Variants in DROSHA observed in about 807,000 individuals in gnomAD.
The protein encoded by DROSHA is drosha ribonuclease III, also known as ribonuclease 3.
DROSHA carries 56 observed loss-of-function variants against 181.9 expected under a neutral mutation model. The ratio of observed to expected loss-of-function variants is 0.31; its 90% CI spans 0.25 to 0.38. The LOEUF (loss-of-function observed/expected upper bound fraction) is 0.38, where lower values mean the gene tolerates loss of function less well. Ranked by LOEUF, DROSHA falls within the 10% of genes least tolerant of loss-of-function variation. The pLI is 1.00. For missense variants in DROSHA, 1,218 were observed against 1,743.5 expected, an observed-to-expected ratio of 0.70 and a Z score of 5.37; for synonymous variants, 524 against 591.2, an observed-to-expected ratio of 0.89 and a Z score of 1.65.
intron 6 of DROSHA, 65 bp from the exon 7 acceptor site, chr5:31,515,629 G>A (rs570080169): frequency 6.5e-7 from 1 of 1,542,314 alleles, no homozygotes; most frequent in East Asian, 2.5e-5. Flanking sequence ...TCAGCAATGA[G>A]AATACCAGTT....
chr5:31,407,939 A>T (rs1483757741), intron 33 of DROSHA, among the ~76,000 whole-genome samples: 2 of 152,312 alleles, frequency 1.3e-5, no homozygotes, highest in East Asian at 3.9e-4. Context: ...TATTAGGCAC[A>T]TAATAAAGTG....
chr5:31,502,503 C>A (rs1331688904), intron 11 of DROSHA, among the ~76,000 whole-genome samples: 1 of 152,238 alleles, frequency 6.6e-6, no homozygotes, highest in Non-Finnish European at 1.5e-5. Flanking sequence ...CAGAACCACC[C>A]ATCATAGGCT....
chr5:31,483,083 A>T (rs1751220109), intron 16 of DROSHA, among the ~76,000 whole-genome samples: 1 of 152,186 alleles, frequency 6.6e-6, no homozygotes, highest in South Asian at 2.1e-4. Context: ...TTATTGGGAG[A>T]AAAAATTATT....
intron 21 of DROSHA, among the ~76,000 whole-genome samples, chr5:31,449,927 T>C (rs996947818): frequency 7.9e-5 from 12 of 151,714 alleles, no homozygotes; most frequent in African/African-American, 2.9e-4. Flanking sequence ...AGGACTAATA[T>C]CCAGAATCTA....
At chr5:31,441,817 G>A (rs1307763815) in intron 23 of DROSHA, among the ~76,000 whole-genome samples, 1 of 152,184 alleles carries the variant, frequency 6.6e-6, no homozygotes, top group Admixed American at 6.5e-5. Flanking sequence ...AAATAAAAAT[G>A]CATTTTCTGT....
chr5:31,421,035 A>G (rs911505560), intron 30 of DROSHA, among the ~76,000 whole-genome samples: 7 of 152,178 alleles, frequency 4.6e-5, no homozygotes, highest in Non-Finnish European at 8.8e-5. Flanking sequence ...TGTTCCTTCC[A>G]TGAGGCCTAG....
At position 31,409,003 on chromosome 5, in the gene DROSHA, C is replaced by T; in HGVS notation, c.3854+53G>A. Reference sequence around the variant, plus strand: ...TCATTCTTCAAGGCACATGGAAAGTCAATTTTAGGCATGCTGGATCCAACC... The same window carrying T: ...TCATTCTTCAAGGCACATGGAAAGTTAATTTTAGGCATGCTGGATCCAACC... On this transcript the variant is annotated intron_variant, in intron 33 of 35. Coordinates refer to ENST00000344624, the MANE Select transcript of DROSHA (RefSeq NM_001382508.1). The surrounding 1 kb of genome is among the most constrained non-coding windows in gnomAD (Gnocchi z 4.0). 6.5e-7 allele frequency: 1 copy of T among 1,547,730 alleles called. No individual in the cohort carries two copies. Among genetic ancestry groups the T allele is most frequent in the Non-Finnish European group, 8.8e-7 (1 of 1,131,658 alleles).
intron 11 of DROSHA, among the ~76,000 whole-genome samples, chr5:31,497,580 G>T (rs1753143184): frequency 6.6e-6 from 1 of 152,244 alleles, no homozygotes; most frequent in African/African-American, 2.4e-5. Context: ...GGTAGCAATT[G>T]GCCAGAAAGC....
rs938537317 is a variant in DROSHA, at chr5:31,470,848, G to C, written c.2241+1215C>G. 2.0e-5 allele frequency among the ~76,000 whole-genome samples: 3 copies of C among 152,072 alleles called. No homozygotes were observed. The highest frequency in any genetic ancestry group is 2.4e-5 in the African/African-American group (1 of 41,378). ...AAGTGGAACCACCCAGCTGAAACTG[G>C]ACATCTGCCACCACCACCGCCCCAT... is the stretch of plus-strand genomic sequence containing the variant. On this transcript the variant is annotated intron_variant, in intron 17 of 35. Coordinates refer to ENST00000344624, the MANE Select transcript of DROSHA (RefSeq NM_001382508.1). The surrounding 1 kb of genome is among the most constrained non-coding windows in gnomAD (Gnocchi z 4.0).
At chr5:31,493,342 T>C (rs1193230752) in intron 12 of DROSHA, 49 bp from the exon 13 acceptor site, 2 of 1,503,488 alleles carry the variant, frequency 1.3e-6, no homozygotes, top group African/African-American at 1.4e-5. Context: ...ATGACATGAG[T>C]TGCATATGCA....
In DROSHA at chr5:31,476,874, C is replaced by G. The variant is rs117441477; in HGVS notation, c.2072-4642G>C. Among the ~76,000 whole-genome samples the G allele has an allele frequency of 6.3e-3, 966 of 152,308 alleles. 18 individuals carry two copies. Among genetic ancestry groups the G allele is most frequent in the South Asian group, 0.032 (156 of 4,822 alleles). On this transcript the variant is annotated intron_variant, in intron 16 of 35. Transcript: ENST00000344624. ...CAGACTAATAACTTGGCCACTCGCA[C>G]TCAGGCTGCCATGAATTCACTAATG...
chr5:31,433,053 T>A (rs1442103349), intron 25 of DROSHA, among the ~76,000 whole-genome samples: 7 of 152,142 alleles, frequency 4.6e-5, no homozygotes, highest in African/African-American at 1.7e-4. Context: ...CCACATAACA[T>A]GGAACAAATC....
At chr5:31,456,090 A>T (rs1489520115) in intron 20 of DROSHA, among the ~76,000 whole-genome samples, 2 of 152,232 alleles carry the variant, frequency 1.3e-5, no homozygotes, top group Admixed American at 6.5e-5. Context: ...TGTGAGGAAC[A>T]TGCAGAAACT....
chr5:31,436,134 A>C (rs2150005250), intron 24 of DROSHA, among the ~76,000 whole-genome samples: 1 of 152,360 alleles, frequency 6.6e-6, no homozygotes, highest in South Asian at 2.1e-4. Flanking sequence ...AAAGAGCAGA[A>C]TAATCAGTTA....
chr5:31,423,141 T>C (rs1742970511), intron 28 of DROSHA, 197 bp from the exon 29 acceptor site: 1 of 521,826 alleles, frequency 1.9e-6, no homozygotes, highest in African/African-American at 2.0e-5. Context: ...GTTCAAATAA[T>C]ATTTTCCAAT....
chr5:31,527,998 G>T (rs1018227083), intron 4 of DROSHA, among the ~76,000 whole-genome samples: 21 of 151,722 alleles, frequency 1.4e-4, no homozygotes, highest in Non-Finnish European at 4.4e-5. Context: ...TGCCTCCCCA[G>T]CCCCCACCCC....
intron 30 of DROSHA, among the ~76,000 whole-genome samples, chr5:31,419,314 A>G (rs1742366163): frequency 6.6e-6 from 1 of 152,194 alleles, no homozygotes; most frequent in Admixed American, 6.5e-5. Flanking sequence ...CTGTGAATAT[A>G]ATTCAAAAAG....
chr5:31,508,855 G>A (rs955367924), intron 9 of DROSHA, 80 bp from the exon 10 acceptor site: 38 of 1,462,160 alleles, frequency 2.6e-5, no homozygotes, highest in Admixed American at 1.6e-4. Context: ...TTGGAGTCTC[G>A]CTCTGTCACC....
intron 13 of DROSHA, among the ~76,000 whole-genome samples, chr5:31,492,470 A>G (rs1158632764): frequency 6.6e-6 from 1 of 152,248 alleles, no homozygotes; most frequent in Admixed American, 6.5e-5. Context: ...AGGTTAAAGA[A>G]CATTCTATTT....
Sources: gnomAD v4.1 joint callset for allele counts (sites outside exome capture counted in the v4.1 genomes callset) on GRCh38, gnomAD v4.1.1 for gene constraint, Gnocchi (gnomAD v3.1) non-coding constraint, MANE v1.5 for transcripts, NCBI Gene and HGNC (gene_info 2026-07-23, HGNC 2026-07-21) for gene names.